Variants in NAALADL2 observed in about 807,000 individuals in gnomAD.
NAALADL2 encodes the protein inactive N-acetylated-alpha-linked acidic dipeptidase-like protein 2.
NAALADL2 carries 76 observed loss-of-function variants against 87.2 expected under a neutral mutation model. That is an observed-to-expected ratio of 0.87 (90% CI 0.72 to 1.05). NAALADL2 has a LOEUF of 1.05. NAALADL2 is among the 50% of genes least tolerant of loss of function. The pLI is 0.00. For synonymous variants in NAALADL2, 354 were observed against 331.0 expected, an observed-to-expected ratio of 1.07 and a Z score of -0.75; for missense variants, 1,089 against 945.8, an observed-to-expected ratio of 1.15 and a Z score of -1.99.
intron 4 of NAALADL2, among the ~76,000 whole-genome samples, chr3:175,281,064 A>G (rs939885627): frequency 3.0e-4 from 45 of 151,336 alleles, no homozygotes; most frequent in African/African-American, 1.0e-3. Context: ...AGTGAATCTC[A>G]GTTTTGTTTT....
chr3:175,329,981 A>AT lies in NAALADL2; in HGVS notation c.1090+5657dup, dbSNP rs1761200600. On this transcript the variant is annotated intron_variant, in intron 5 of 13. Coordinates refer to ENST00000454872, the MANE Select transcript of NAALADL2 (RefSeq NM_207015.3). Reference sequence around the variant, plus strand: ...GAACATTTTTGAGTGGTTATTGTTCATAAAAAATCAGTGTACCATATACTA... The same window carrying AT: ...GAACATTTTTGAGTGGTTATTGTTCATTAAAAAATCAGTGTACCATATACTA... Among the ~76,000 whole-genome samples the AT allele has an allele frequency of 3.3e-5, 5 of 152,314 alleles. No homozygotes were observed. The Middle Eastern group carries it at 0.01, about 311-fold the overall frequency.
intron 2 of NAALADL2, among the ~76,000 whole-genome samples, chr3:175,184,181 T>C (rs1226747760): frequency 1.3e-5 from 2 of 152,110 alleles, no homozygotes; most frequent in Non-Finnish European, 2.9e-5. Flanking sequence ...AAAATTTTCA[T>C]TGTAGGATCA....
intron 2 of NAALADL2, among the ~76,000 whole-genome samples, chr3:174,570,245 C>T (rs1714770676): frequency 6.6e-6 from 1 of 151,380 alleles, no homozygotes. Context: ...CAAGCCTGGT[C>T]TCATTTATTT....
chr3:174,493,333 A>G (rs910200140), intron 1 of NAALADL2, among the ~76,000 whole-genome samples: 7 of 152,200 alleles, frequency 4.6e-5, no homozygotes, highest in Non-Finnish European at 1.0e-4. Context: ...AGACACAGAC[A>G]TAGGCATGAT....
chr3:175,342,140 G>A (rs55877836), intron 5 of NAALADL2, among the ~76,000 whole-genome samples: 55,003 of 151,810 alleles, frequency 0.36, 10,975 homozygotes, highest in East Asian at 0.65. Context: ...GATAATTCTT[G>A]GTCTCTTACA....
intron 11 of NAALADL2, among the ~76,000 whole-genome samples, chr3:175,735,246 C>G (rs1240506506): frequency 6.6e-6 from 1 of 152,200 alleles, no homozygotes; most frequent in Non-Finnish European, 1.5e-5. Context: ...CCACCTCACC[C>G]TGTATTTCAT....
chr3:175,043,077 A>G (rs778106484), intron 1 of NAALADL2, among the ~76,000 whole-genome samples: 30 of 152,180 alleles, frequency 2.0e-4, no homozygotes, highest in Admixed American at 8.5e-4. Flanking sequence ...TCAGTCATTA[A>G]CTTTCCAACC....
At chr3:175,131,548 A>G (rs528363592) in intron 2 of NAALADL2, among the ~76,000 whole-genome samples, 14 of 152,248 alleles carry the variant, frequency 9.2e-5, no homozygotes, top group African/African-American at 3.4e-4. Flanking sequence ...ACCTCTTTCT[A>G]CACAGACATG....
intron 1 of NAALADL2, among the ~76,000 whole-genome samples, chr3:174,533,205 A>G (rs913858963): frequency 2.6e-5 from 4 of 151,474 alleles, no homozygotes; most frequent in African/African-American, 9.7e-5. Flanking sequence ...TGCGTCAGGA[A>G]TAAAGGCTCT....
intron 2 of NAALADL2, among the ~76,000 whole-genome samples, chr3:174,624,963 A>C (rs1208801561): frequency 6.6e-6 from 1 of 150,776 alleles, no homozygotes; most frequent in East Asian, 2.0e-4. Flanking sequence ...TTCTCTTGGT[A>C]GCGTTTTCAT....
intron 9 of NAALADL2, among the ~76,000 whole-genome samples, chr3:175,525,022 G>A (rs1560702622): frequency 6.6e-6 from 1 of 151,772 alleles, no homozygotes; most frequent in African/African-American, 2.4e-5. Context: ...GACAGAGAAG[G>A]GTGCATGTAA....
rs1336166217 is a variant in NAALADL2, at chr3:175,794,734, C to T, written c.2190-8271C>T. Among the ~76,000 whole-genome samples the T allele has an allele frequency of 2.6e-5, 4 of 152,228 alleles. No homozygotes were observed. In the East Asian group the frequency reaches 7.7e-4, roughly 29 times the overall value. On this transcript the variant is annotated intron_variant, in intron 13 of 13. Transcript: ENST00000454872. ...TTTATATTTTAATTATAAATGCAAA[C>T]AGACACTTTTATCTATTTCTTGGGT...
chr3:175,230,408 A>C lies in NAALADL2; in HGVS notation c.546-3523A>C, dbSNP rs570894371. On this transcript the variant is annotated intron_variant, in intron 2 of 13. Transcript: ENST00000454872. ...GGATAAAATATGTGCCACACATATG[A>C]CCTAAAAAAGATTATTCAGAACATA... Among the ~76,000 whole-genome samples the C allele has an allele frequency of 2.6e-5, 4 of 152,166 alleles. No individual in the cohort carries two copies. The East Asian group carries it at 7.7e-4, about 29-fold the overall frequency.
At chr3:174,838,937 A>T (rs192801084) in intron 3 of NAALADL2, among the ~76,000 whole-genome samples, 1 of 152,064 alleles carries the variant, frequency 6.6e-6, no homozygotes, top group Non-Finnish European at 1.5e-5. Flanking sequence ...ACAATCTACA[A>T]ATTCAATGCT....
intron 13 of NAALADL2, among the ~76,000 whole-genome samples, chr3:175,786,701 G>A (rs1011158563): frequency 4.6e-5 from 7 of 152,114 alleles, no homozygotes; most frequent in Admixed American, 3.3e-4. Flanking sequence ...CTCTCATCTC[G>A]TCAAAGTCAT....
chr3:174,572,387 T>A (rs1715031736), intron 2 of NAALADL2, among the ~76,000 whole-genome samples: 1 of 152,234 alleles, frequency 6.6e-6, no homozygotes, highest in Admixed American at 6.5e-5. Context: ...GAATGCAACT[T>A]CCTTTAATTT....
intron 9 of NAALADL2, among the ~76,000 whole-genome samples, chr3:175,569,633 C>T (rs1416773661): frequency 6.6e-6 from 1 of 152,074 alleles, no homozygotes; most frequent in Non-Finnish European, 1.5e-5. Context: ...CTCTCTCTCT[C>T]TTTCTGCTCC....
At chr3:175,012,959 A>ATG (rs1324807096) in intron 1 of NAALADL2, among the ~76,000 whole-genome samples, 3 of 125,144 alleles carry the variant, frequency 2.4e-5, no homozygotes, top group African/African-American at 8.9e-5. Flanking sequence ...TATAGCCTAG[A>ATG]TGTGTGTGTA....
intron 1 of NAALADL2, among the ~76,000 whole-genome samples, chr3:174,881,002 A>G (rs986537298): frequency 2.6e-5 from 4 of 152,044 alleles, no homozygotes; most frequent in Non-Finnish European, 4.4e-5. Context: ...CTGTCTTTTT[A>G]TCTGGGTCTT....
Sources: gnomAD v4.1 joint callset for allele counts (sites outside exome capture counted in the v4.1 genomes callset) on GRCh38, gnomAD v4.1.1 for gene constraint, MANE v1.5 for transcripts, NCBI Gene and HGNC (gene_info 2026-07-23, HGNC 2026-07-21) for gene names.